The following MED16 variants were observed in gnomAD, a reference collection of about 807,000 sequenced individuals.
MED16 encodes the protein mediator complex subunit 16.
A neutral mutation model predicts 84.4 loss-of-function variants in MED16; 81 were observed. The ratio of observed to expected loss-of-function variants is 0.96; its 90% confidence interval spans 0.80 to 1.15. The LOEUF is 1.15. MED16 is among the 50% of genes most tolerant of loss of function. The pLI, the probability that MED16 is intolerant of heterozygous loss-of-function variation, is 0.00. For synonymous variants in MED16, 897 were observed against 552.2 expected (o/e 1.62, Z -8.76); for missense variants, 1,585 against 1,245.9 (o/e 1.27, Z -4.10).
At chr19:881,340 G>C (rs537731582) in intron 7 of MED16, among the ~76,000 whole-genome samples, 1 of 152,186 alleles carries the variant, frequency 6.6e-6, no homozygotes, top group African/African-American at 2.4e-5. Context: ...AAAGAACACT[G>C]GATCTGTCTG....
At chr19:890,085 CT>C in intron 3 of MED16, 51 bp downstream of exon 3, 4 of 1,389,432 alleles carry the variant, frequency 2.9e-6, no homozygotes, top group Non-Finnish European at 3.9e-6. Flanking sequence ...CAGGGCCCCC[CT>C]GCTCCGGGAT....
intron 13 of MED16, among the ~76,000 whole-genome samples, chr19:869,956 G>A (rs1036623768): frequency 3.3e-5 from 5 of 152,186 alleles, no homozygotes; most frequent in Non-Finnish European, 7.3e-5. Context: ...TTTCCTCACC[G>A]TGAAATGGGG....
intron 8 of MED16, among the ~76,000 whole-genome samples, chr19:877,580 G>A (rs2036281073): frequency 6.6e-6 from 1 of 152,134 alleles, no homozygotes; most frequent in Non-Finnish European, 1.5e-5. Context: ...CGCAGGCAGG[G>A]GCTGGCGAGG....
intron 10 of MED16, among the ~76,000 whole-genome samples, chr19:874,045 T>C (rs2036167701): frequency 1.3e-5 from 2 of 152,148 alleles, no homozygotes; most frequent in South Asian, 2.1e-4. Flanking sequence ...ACCATGACTG[T>C]GCACACGGCT....
chr19:874,073 C>A (rs1316201615), intron 10 of MED16, among the ~76,000 whole-genome samples: 2 of 152,164 alleles, frequency 1.3e-5, no homozygotes, highest in African/African-American at 4.8e-5. Flanking sequence ...ACCAGGAGTG[C>A]CACGTGTCCA....
At chr19:873,372 CA>C in intron 11 of MED16, 76 bp downstream of exon 11, 9 of 1,383,008 alleles carry the variant, frequency 6.5e-6, no homozygotes, top group Non-Finnish European at 8.6e-6. Context: ...TTTTGAGGGG[CA>C]GGGGCAGGGA....
chr19:886,236 C>T (rs754788476), intron 4 of MED16, 35 bp from the exon 5 acceptor site: 1 of 1,478,130 alleles, frequency 6.8e-7, no homozygotes, highest in Non-Finnish European at 8.9e-7. Context: ...AGGGGCCGCT[C>T]AGGCTCATGG....
At chr19:880,707 C>A (rs2036402629) in intron 7 of MED16, among the ~76,000 whole-genome samples, 1 of 152,116 alleles carries the variant, frequency 6.6e-6, no homozygotes, top group Non-Finnish European at 1.5e-5. Context: ...ATTGCCTGAG[C>A]TCAGGGGTTC....
rs764256954 is a variant in MED16 at position 875,220 on chromosome 19, C to T, written c.1771+24G>A. Reference sequence around the variant, plus strand: ...TAAATAGATGAAAGAAACCTCGAGGCCCCGGGCGTGGAAAAGGACCCACCG... The same window carrying T: ...TAAATAGATGAAAGAAACCTCGAGGTCCCGGGCGTGGAAAAGGACCCACCG... On this transcript the variant is annotated intron_variant, in intron 10 of 15. Coordinates refer to ENST00000325464, the MANE Select transcript of MED16 (RefSeq NM_005481.3). 15 of 1,510,048 alleles carry T rather than the reference C, an allele frequency of 9.9e-6. No homozygotes were observed. The East Asian group carries it at 3.5e-4, about 35-fold the overall frequency. 93.5% of individuals were successfully genotyped at this position (1,510,048 alleles called of 1,614,324 possible).
At chr19:876,835 G>C in intron 9 of MED16, 139 bp downstream of exon 9, 1 of 791,454 alleles carries the variant, frequency 1.3e-6, no homozygotes, top group Admixed American at 3.1e-5. Context: ...GCCCCTGCCT[G>C]CCACAGGGAC....
chr19:872,224 G>A, intron 11 of MED16, 106 bp from the exon 12 acceptor site: 4 of 919,774 alleles, frequency 4.3e-6, no homozygotes, highest in South Asian at 1.7e-5. Context: ...AATGGGCAGG[G>A]TCTGGGACAT....
chr19:878,180 G>C (rs1416357484), intron 8 of MED16, among the ~76,000 whole-genome samples: 9 of 72,356 alleles, frequency 1.2e-4, no homozygotes, highest in South Asian at 5.2e-4. Flanking sequence ...TGCCCACCGA[G>C]CCCAGCCCCA....
At chr19:873,774 C>A (rs77743959) in intron 10 of MED16, among the ~76,000 whole-genome samples, 192 bp from the exon 11 acceptor site, 3,514 of 152,218 alleles carry the variant, frequency 0.023, 132 homozygotes, top group African/African-American at 0.079. Context: ...TGCCTGCCCC[C>A]CCCCGGGGGC....
intron 13 of MED16, among the ~76,000 whole-genome samples, chr19:869,899 G>A (rs548835919): frequency 6.6e-6 from 1 of 152,306 alleles, no homozygotes; most frequent in East Asian, 1.9e-4. Flanking sequence ...CTGACCGCGT[G>A]ACCCCAGATG....
chr19:878,563 G>A (rs1599330258), intron 8 of MED16, among the ~76,000 whole-genome samples: 3 of 25,402 alleles, frequency 1.2e-4, no homozygotes, highest in African/African-American at 3.1e-4. Context: ...ACCAGCCCCA[G>A]CCCCAGCCCC....
chr19:880,285 C>A (rs568557141), intron 7 of MED16, 137 bp from the exon 8 acceptor site: 6 of 702,854 alleles, frequency 8.5e-6, no homozygotes, highest in East Asian at 6.7e-5. Flanking sequence ...CGGCATCCAG[C>A]GCCCGTGCCC....
chr19:887,331 CTA>C (rs2036547011), intron 4 of MED16, among the ~76,000 whole-genome samples: 2 of 152,194 alleles, frequency 1.3e-5, no homozygotes, highest in Non-Finnish European at 2.9e-5. Context: ...ATGTCTGAGA[CTA>C]TGTTAAAGGA....
Position 881,732 on chromosome 19 carries a change from G to A in MED16, c.986-18C>T, listed in dbSNP as rs367603988. 6 of 1,606,184 alleles carry A rather than the reference G, an allele frequency of 3.7e-6. No individual in the cohort carries two copies. The African/African-American group carries it at 8.0e-5, about 21-fold the overall frequency. On this transcript the variant is annotated intron_variant, in intron 6 of 15. Transcript: ENST00000325464. ...GTCGCCAACTGAAAAATCAGGGGCA[G>A]GAAAACAGGAAGGCAATGGAGTAAA...
chr19:884,475 T>G (rs1048515688), intron 6 of MED16, among the ~76,000 whole-genome samples: 2 of 152,068 alleles, frequency 1.3e-5, no homozygotes, highest in Non-Finnish European at 2.9e-5. Flanking sequence ...GAGCCTTGGC[T>G]TCCTCTCCCT....
Sources: allele counts gnomAD v4.1 joint callset (sites outside exome capture counted in the v4.1 genomes callset), GRCh38; gene constraint gnomAD v4.1.1; transcripts MANE v1.5; gene names NCBI Gene and HGNC (gene_info 2026-07-23, HGNC 2026-07-21).